The following CSTA variants were observed in gnomAD, a reference collection of about 807,000 sequenced individuals.
CSTA encodes cystatin A.
Under a neutral mutation model 9.2 loss-of-function variants are expected in CSTA, and 9 were observed. The ratio of observed to expected loss-of-function variants is 0.97; its 90% CI spans 0.59 to 1.70. CSTA has a LOEUF of 1.70. CSTA is among the 40% of genes most tolerant of loss of function. The pLI, the probability that CSTA is intolerant of heterozygous loss-of-function variation, is 0.00. For missense variants in CSTA, 118 were observed against 113.1 expected, an observed-to-expected ratio of 1.04 and a Z score of -0.20; for synonymous variants, 36 against 40.6, an observed-to-expected ratio of 0.89 and a Z score of 0.43.
chr3:122,332,042 A>C (rs1473311398), intron 1 of CSTA, among the ~76,000 whole-genome samples: 1 of 152,148 alleles, frequency 6.6e-6, no homozygotes, highest in Non-Finnish European at 1.5e-5. Flanking sequence ...CGCTAATCTG[A>C]CAGGAGGCGG....
In CSTA at chr3:122,341,443, G is replaced by T. The variant is rs770962641; in HGVS notation, c.173G>T (p.Arg58Leu). ...TCTTTCTTTAATATTTTTCAGGTAC[G>T]AGCAGGTGATAATAAATATATGCAC... ...VAGTNYYIKV[R>L]AGDNKYMHLK... Residue 58 changes from arginine to leucine, a missense_variant, in exon 3 of 3, where the codon CGA becomes CTA. Transcript: ENST00000264474. The T allele has an allele frequency of 1.2e-6, 2 of 1,613,756 alleles. No homozygotes were observed. The highest frequency in any genetic ancestry group is 2.2e-5 in the South Asian group (2 of 91,028).
intron 2 of CSTA, among the ~76,000 whole-genome samples, chr3:122,340,678 T>C (rs1305794699): frequency 1.3e-5 from 2 of 152,206 alleles, no homozygotes; most frequent in Non-Finnish European, 2.9e-5. Context: ...GTTTATAAAG[T>C]AGGTTCTGAT....
At chr3:122,331,137 A>G (rs1229938203) in intron 1 of CSTA, among the ~76,000 whole-genome samples, 2 of 151,552 alleles carry the variant, frequency 1.3e-5, no homozygotes, top group East Asian at 3.9e-4. Context: ...ACACACACAC[A>G]CACACACTCC....
At chr3:122,337,769 C>A in intron 2 of CSTA, 121 bp downstream of exon 2, 1 of 801,324 alleles carries the variant, frequency 1.2e-6, no homozygotes, top group Non-Finnish European at 2.2e-6. Flanking sequence ...AGATGCCCAG[C>A]ATGATTCCTT....
chr3:122,331,123 A>ACT (rs1021310750), intron 1 of CSTA, among the ~76,000 whole-genome samples: 9 of 151,812 alleles, frequency 5.9e-5, no homozygotes, highest in African/African-American at 2.2e-4. Context: ...ACACACACAC[A>ACT]CACACACACA....
intron 1 of CSTA, among the ~76,000 whole-genome samples, chr3:122,333,355 T>C (rs2075214943): frequency 6.6e-6 from 1 of 151,714 alleles, no homozygotes; most frequent in Non-Finnish European, 1.5e-5. Context: ...TCCAAAAATA[T>C]AAAAAATTAG....
intron 1 of CSTA, among the ~76,000 whole-genome samples, chr3:122,333,690 G>A (rs139513131): frequency 0.019 from 2,829 of 145,234 alleles, 115 homozygotes; most frequent in African/African-American, 0.067. Flanking sequence ...AAGAAAGAAA[G>A]AGAGAGAGAA....
At chr3:122,328,225 G>T (rs2075181585) in intron 1 of CSTA, among the ~76,000 whole-genome samples, 1 of 152,330 alleles carries the variant, frequency 6.6e-6, no homozygotes, top group Non-Finnish European at 1.5e-5. Context: ...ATTAAACTGG[G>T]CATGGTGGCT....
intron 2 of CSTA, among the ~76,000 whole-genome samples, chr3:122,340,063 A>G (rs1450379432): frequency 6.6e-6 from 1 of 152,200 alleles, no homozygotes; most frequent in Admixed American, 6.5e-5. Context: ...TTTATATAAA[A>G]TGTTCATCAT....
At position 122,326,373 on chromosome 3, in the gene CSTA, G is replaced by A. The variant is rs560151686; in HGVS notation, c.66+1015G>A. Among the ~76,000 whole-genome samples, 4 of 152,276 alleles carry A rather than the reference G, an allele frequency of 2.6e-5. No homozygotes were observed. The East Asian group carries it at 7.7e-4, about 29-fold the overall frequency. The stretch of plus-strand genomic sequence containing the variant: ...GTGTGATTAGCTATCATCTAGCTAT[G>A]TAGTAAACATTTATTTGCATATTTT... On this transcript the variant is annotated intron_variant, in intron 1 of 2. Coordinates refer to ENST00000264474, the MANE Select transcript of CSTA (RefSeq NM_005213.4).
chr3:122,339,460 C>T lies in CSTA; in HGVS notation c.168+1812C>T, dbSNP rs188364812. ...GGTGGTGAAGAAACTAAAAAGATCA[C>T]ACAACTACAAGAGCAGAGTCAGGAT... On this transcript the variant is annotated intron_variant, in intron 2 of 2. Transcript: ENST00000264474. Among the ~76,000 whole-genome samples, 184 of 152,284 alleles carry T rather than the reference C, an allele frequency of 1.2e-3. 1 individual carries two copies. Among genetic ancestry groups the T allele is most frequent in the Non-Finnish European group, 2.0e-3 (135 of 68,026 alleles).
intron 1 of CSTA, among the ~76,000 whole-genome samples, chr3:122,335,745 C>G (rs2075233173): frequency 6.6e-6 from 1 of 152,016 alleles, no homozygotes; most frequent in Admixed American, 6.6e-5. Context: ...AATTCTCCTG[C>G]CTCAGCCTCC....
intron 1 of CSTA, among the ~76,000 whole-genome samples, chr3:122,326,549 G>A (rs991928815): frequency 1.3e-5 from 2 of 152,172 alleles, no homozygotes; most frequent in Non-Finnish European, 2.9e-5. Context: ...TATAAGAGTT[G>A]GGATCCTGTA....
chr3:122,332,513 T>C (rs1008977725), intron 1 of CSTA, among the ~76,000 whole-genome samples: 6 of 152,192 alleles, frequency 3.9e-5, no homozygotes, highest in Admixed American at 6.5e-5. Context: ...CACAGTCCTA[T>C]TGTTTCTGTA....
intron 1 of CSTA, among the ~76,000 whole-genome samples, chr3:122,333,205 G>T (rs1182070707): frequency 4.6e-5 from 7 of 152,134 alleles, no homozygotes; most frequent in Non-Finnish European, 1.0e-4. Context: ...TATATTTCTA[G>T]GACAGATAGA....
intron 1 of CSTA, among the ~76,000 whole-genome samples, chr3:122,332,105 C>T (rs188719591): frequency 5.6e-4 from 86 of 152,238 alleles, no homozygotes; most frequent in African/African-American, 2.0e-3. Context: ...CTGTGCAGCC[C>T]GATTCCTAAC....
Position 122,341,633 on chromosome 3 carries a change from T to C in CSTA, c.*66T>C. The C allele has an allele frequency of 6.4e-7, 1 of 1,569,882 alleles. No homozygotes were observed. Among genetic ancestry groups the C allele is most frequent in the Non-Finnish European group, 8.8e-7 (1 of 1,142,484 alleles). On this transcript the variant is annotated 3_prime_UTR_variant, in exon 3 of 3. Coordinates refer to ENST00000264474, the MANE Select transcript of CSTA (RefSeq NM_005213.4). ...CTGAGTCATGATCCTTGCTGATAAA[T>C]ATAACCATCAATAAAGAAGCATTCT...
chr3:122,326,560 T>A (rs531797749), intron 1 of CSTA, among the ~76,000 whole-genome samples: 1 of 152,344 alleles, frequency 6.6e-6, no homozygotes, highest in East Asian at 1.9e-4. Flanking sequence ...GGATCCTGTA[T>A]ATTCTGGGAA....
At chr3:122,338,195 GA>G (rs1319153654) in intron 2 of CSTA, 1 of 152,896 alleles carries the variant, frequency 6.5e-6, no homozygotes, top group Non-Finnish European at 1.5e-5. Context: ...TAAAAGAGTG[GA>G]GTATTTAAAA....
Sources: allele counts gnomAD v4.1 joint callset (sites outside exome capture counted in the v4.1 genomes callset), GRCh38; gene constraint gnomAD v4.1.1; transcripts MANE v1.5; gene names NCBI Gene and HGNC (gene_info 2026-07-23, HGNC 2026-07-21).